Variants in SLC71A2 observed in about 807,000 individuals in gnomAD.
SLC71A2 encodes solute carrier family 71 member 2, also known as hippocampus abundant transcript-like 1.
At chr9:94,441,789 GAATAACAAAAGTTATAGGAGAC>G in the SLC71A2 span, among the ~76,000 whole-genome samples, 3 of 152,148 alleles carry the variant, frequency 2.0e-5, no homozygotes, top group Admixed American at 2.0e-4. Flanking sequence ...CATAGTTGCT[GAATAACAAAAGTTATAGGAGAC>G]CTTTTTTTCT....
At chr9:94,384,320 C>T in the SLC71A2 span, among the ~76,000 whole-genome samples, 1 of 149,340 alleles carries the variant, frequency 6.7e-6, no homozygotes, top group Admixed American at 6.7e-5. Context: ...CCATGTGTGC[C>T]GTGTGTCAAA....
chr9:94,451,672 C>T, the SLC71A2 span: 3 of 471,242 alleles, frequency 6.4e-6, no homozygotes, highest in Admixed American at 8.0e-5. Flanking sequence ...TAAGGTCTTG[C>T]AAGCTATAGT....
the SLC71A2 span, among the ~76,000 whole-genome samples, chr9:94,453,573 C>G: frequency 2.0e-5 from 3 of 152,208 alleles, no homozygotes; most frequent in African/African-American, 7.2e-5. Flanking sequence ...AGCAGAAGCT[C>G]TCATATTCTG....
the SLC71A2 span, among the ~76,000 whole-genome samples, chr9:94,425,294 A>T: frequency 1.3e-5 from 2 of 152,144 alleles, no homozygotes; most frequent in African/African-American, 2.4e-5. Context: ...ACAGAGTGAG[A>T]CTTTGAATCA....
chr9:94,440,678 G>GT, the SLC71A2 span, among the ~76,000 whole-genome samples: 2 of 151,708 alleles, frequency 1.3e-5, no homozygotes, highest in South Asian at 2.1e-4. Context: ...TATTTGAGAA[G>GT]TTTTTTTTCT....
the SLC71A2 span, among the ~76,000 whole-genome samples, chr9:94,382,582 G>A: frequency 2.9e-4 from 44 of 151,878 alleles, 1 homozygote; most frequent in East Asian, 8.1e-3. Flanking sequence ...TTATCAATTT[G>A]CTCTTTTATA....
chr9:94,389,784 T>G, the SLC71A2 span, among the ~76,000 whole-genome samples: 1 of 151,934 alleles, frequency 6.6e-6, no homozygotes, highest in Non-Finnish European at 1.5e-5. Flanking sequence ...TTTGTTATTT[T>G]TTTTGCAGAG....
the SLC71A2 span, among the ~76,000 whole-genome samples, chr9:94,375,802 GTTTAC>G: frequency 6.2e-4 from 91 of 147,832 alleles, no homozygotes; most frequent in African/African-American, 2.1e-3. Flanking sequence ...AATGCTAAGT[GTTTAC>G]ATGAACGTAT....
the SLC71A2 span, among the ~76,000 whole-genome samples, chr9:94,405,419 C>G: frequency 6.8e-6 from 1 of 148,056 alleles, no homozygotes; most frequent in Non-Finnish European, 1.5e-5. Flanking sequence ...GGCATGAACC[C>G]GGGAGGTGGA....
At chr9:94,402,503 C>CA in the SLC71A2 span, among the ~76,000 whole-genome samples, 1 of 152,156 alleles carries the variant, frequency 6.6e-6, no homozygotes, top group Admixed American at 6.5e-5. Flanking sequence ...CATTAACTGT[C>CA]ACTCTCCATC....
the SLC71A2 span, among the ~76,000 whole-genome samples, chr9:94,383,724 C>T: frequency 6.6e-6 from 1 of 151,916 alleles, no homozygotes; most frequent in East Asian, 1.9e-4. Flanking sequence ...ATTCTTTTGC[C>T]GTGAAGATCT....
At chr9:94,442,259 C>T in the SLC71A2 span, among the ~76,000 whole-genome samples, 2 of 152,162 alleles carry the variant, frequency 1.3e-5, no homozygotes, top group African/African-American at 4.8e-5. Flanking sequence ...TGAATAACTT[C>T]CTGAATCAAT....
At chr9:94,446,852 T>C in the SLC71A2 span, 1 of 1,610,420 alleles carries the variant, frequency 6.2e-7, no homozygotes, top group Middle Eastern at 1.7e-4. Flanking sequence ...AAGATTCTAC[T>C]GTCTTACTAA....
At chr9:94,444,999 C>T in the SLC71A2 span, 6 of 1,614,006 alleles carry the variant, frequency 3.7e-6, no homozygotes, top group Non-Finnish European at 5.1e-6. Context: ...TTGTCAGCAG[C>T]CCGGCCATTG....
chr9:94,407,381 C>CTT, the SLC71A2 span, among the ~76,000 whole-genome samples: 4 of 139,892 alleles, frequency 2.9e-5, no homozygotes, highest in South Asian at 2.3e-4. Flanking sequence ...CTGTAGTTTT[C>CTT]TTTTTTTTTT....
the SLC71A2 span, among the ~76,000 whole-genome samples, chr9:94,389,275 T>C: frequency 6.6e-6 from 1 of 151,782 alleles, no homozygotes; most frequent in Non-Finnish European, 1.5e-5. Context: ...ATTCTGGTTT[T>C]TTTTTTTTGA....
At chr9:94,415,949 A>C in the SLC71A2 span, among the ~76,000 whole-genome samples, 1 of 152,228 alleles carries the variant, frequency 6.6e-6, no homozygotes, top group Non-Finnish European at 1.5e-5. Context: ...TAAATAGCAG[A>C]TTGGTGAGTA....
the SLC71A2 span, chr9:94,441,029 C>T: frequency 6.2e-7 from 1 of 1,610,878 alleles, no homozygotes; most frequent in Non-Finnish European, 8.5e-7. Context: ...TTCTCGGTCA[C>T]GTTTTCTGTT....
chr9:94,388,149 G>A, the SLC71A2 span, among the ~76,000 whole-genome samples: 1 of 151,886 alleles, frequency 6.6e-6, no homozygotes, highest in Non-Finnish European at 1.5e-5. Context: ...GAAAAAAATA[G>A]TGGCTTTATA....
Sources: allele counts gnomAD v4.1 joint callset (sites outside exome capture counted in the v4.1 genomes callset), GRCh38; gene constraint gnomAD v4.1.1; transcripts MANE v1.5; gene names NCBI Gene and HGNC (gene_info 2026-07-23, HGNC 2026-07-21).